LINGO2: variants seen among roughly 807,000 people sequenced by gnomAD.
LINGO2 encodes leucine rich repeat and Ig domain containing 2.
In LINGO2, 14 loss-of-function variants were observed where a neutral mutation model predicts 30.6. The ratio of observed to expected loss-of-function variants is 0.46; its 90% CI spans 0.30 to 0.72. The LOEUF (loss-of-function observed/expected upper bound fraction) is 0.72. Ranked by LOEUF, LINGO2 falls within the 30% of genes least tolerant of loss-of-function variation. The pLI, the probability that LINGO2 is intolerant of heterozygous loss-of-function variation, is 0.07. For synonymous variants in LINGO2, 317 were observed against 288.5 expected (o/e 1.10, Z -1.00); for missense variants, 729 against 751.7 (o/e 0.97, Z 0.35).
chr9:28,293,340 C>T (rs1823806678), intron 4 of LINGO2, among the ~76,000 whole-genome samples: 1 of 152,058 alleles, frequency 6.6e-6, no homozygotes, highest in South Asian at 2.1e-4. Context: ...TCAAGTGATC[C>T]TCTCACCTTG....
Position 28,539,267 on chromosome 9 carries a change from A to C in LINGO2, c.-364-63242T>G, listed in dbSNP as rs79920210. 5.4e-3 allele frequency among the ~76,000 whole-genome samples: 821 copies of C among 152,240 alleles called. 2 individuals carry two copies. The highest frequency in any genetic ancestry group is 8.5e-3 in the Non-Finnish European group (580 of 67,994). ...ATATATGTAAGTTACAGAATGGTAG[A>C]TATTTGTGGTATTAATCAACATATC... On this transcript the variant is annotated intron_variant, in intron 1 of 5. Coordinates refer to ENST00000379992, the Ensembl canonical transcript of LINGO2.
the LINGO2 span, among the ~76,000 whole-genome samples, chr9:28,926,641 G>A: frequency 6.6e-6 from 1 of 152,116 alleles, no homozygotes; most frequent in African/African-American, 2.4e-5. Context: ...ATATGGGCTT[G>A]CTTTTTTTAA....
chr9:28,969,956 G>T, the LINGO2 span, among the ~76,000 whole-genome samples: 98,793 of 152,032 alleles, frequency 0.65, 32,762 homozygotes, highest in Non-Finnish European at 0.72. Context: ...CTAGAAATCC[G>T]GAGCACAGAA....
At chr9:28,216,357 T>C (rs1820766761) in intron 4 of LINGO2, among the ~76,000 whole-genome samples, 1 of 151,950 alleles carries the variant, frequency 6.6e-6, no homozygotes, top group Non-Finnish European at 1.5e-5. Context: ...GTTCTAAGCA[T>C]ATTATTTCAA....
the LINGO2 span, among the ~76,000 whole-genome samples, chr9:28,749,642 A>G: frequency 1.3e-5 from 2 of 152,070 alleles, no homozygotes; most frequent in Non-Finnish European, 2.9e-5. Flanking sequence ...ATTTTTTAAA[A>G]TAAAGAGAGC....
At chr9:28,199,344 C>CTTCTTCTCTT (rs74180792) in intron 4 of LINGO2, among the ~76,000 whole-genome samples, 2 of 117,660 alleles carry the variant, frequency 1.7e-5, no homozygotes, top group Non-Finnish European at 3.7e-5. Flanking sequence ...TCTTCTTCTT[C>CTTCTTCTCTT]TTTTTTTTTT....
chr9:28,930,796 T>TGG, the LINGO2 span, among the ~76,000 whole-genome samples: 1 of 152,162 alleles, frequency 6.6e-6, no homozygotes, highest in East Asian at 1.9e-4. The surrounding 1 kb of genome is among the most constrained non-coding windows in gnomAD (Gnocchi z 4.2). Context: ...CAGTCCGGAT[T>TGG]TAAGACTGAC....
the LINGO2 span, among the ~76,000 whole-genome samples, chr9:28,788,427 A>G: frequency 6.6e-6 from 1 of 152,204 alleles, no homozygotes; most frequent in Non-Finnish European, 1.5e-5. Flanking sequence ...TCAATAGGTT[A>G]TTTGTGTTTT....
the LINGO2 span, among the ~76,000 whole-genome samples, chr9:29,202,715 C>T: frequency 6.6e-6 from 1 of 151,990 alleles, no homozygotes; most frequent in African/African-American, 2.4e-5. Context: ...AGCTTTACTT[C>T]AACATAATCA....
intron 1 of LINGO2, among the ~76,000 whole-genome samples, chr9:28,504,590 A>AT (rs762507214): frequency 1.3e-5 from 2 of 151,538 alleles, no homozygotes; most frequent in African/African-American, 2.4e-5. Context: ...TAACTGCTAG[A>AT]TTTTTTTTCA....
intron 3 of LINGO2, among the ~76,000 whole-genome samples, chr9:28,350,645 C>A (rs1175805498): frequency 4.0e-5 from 6 of 151,406 alleles, no homozygotes; most frequent in Non-Finnish European, 7.4e-5. Flanking sequence ...CTGCACCAAG[C>A]GGACCTAATA....
chr9:27,994,051 C>T lies in LINGO2; in HGVS notation c.-36+18304G>A, dbSNP rs145782329. On this transcript the variant is annotated intron_variant, in intron 5 of 5. Transcript: ENST00000379992. ...AATTAATCAACATACTCCTGAATGA[C>T]CAATGAGTCAATAAAGAAATTAAGA... is the stretch of plus-strand genomic sequence containing the variant. Among the ~76,000 whole-genome samples the T allele has an allele frequency of 1.8e-3, 274 of 151,954 alleles. 7 individuals are homozygous for T. In the East Asian group the frequency reaches 0.036, roughly 20 times the overall value.
chr9:28,887,497 G>T, the LINGO2 span, among the ~76,000 whole-genome samples: 1 of 151,842 alleles, frequency 6.6e-6, no homozygotes, highest in African/African-American at 2.4e-5. Context: ...TGGATGATTT[G>T]CTTTTATTAA....
the LINGO2 span, among the ~76,000 whole-genome samples, chr9:28,841,304 A>G: frequency 6.6e-6 from 1 of 151,710 alleles, no homozygotes; most frequent in Non-Finnish European, 1.5e-5. Flanking sequence ...AAATTATTTG[A>G]AAAGCGGATG....
chr9:28,485,984 G>T (rs7033461), intron 1 of LINGO2, among the ~76,000 whole-genome samples: 3,247 of 152,162 alleles, frequency 0.021, 99 homozygotes, highest in East Asian at 0.099. Context: ...TCTACTGATT[G>T]GTATGGCAGA....
At chr9:29,159,135 A>G in the LINGO2 span, among the ~76,000 whole-genome samples, 1 of 152,004 alleles carries the variant, frequency 6.6e-6, no homozygotes, top group Non-Finnish European at 1.5e-5. Context: ...CTACTGATTC[A>G]TACTGAAGAT....
rs139395145 is a variant in LINGO2, at chr9:27,962,551, C to G, written c.-35-11845G>C. 2.8e-4 allele frequency among the ~76,000 whole-genome samples: 42 copies of G among 152,270 alleles called. No individual in the cohort carries two copies. In the East Asian group the frequency reaches 6.8e-3, roughly 25 times the overall value. ...CTTTACATCTGGAACTGCTCCCCCCCTTCTACGACTGTCCTTCAGCTAGGC... is the reference window on the plus strand; with the variant it reads ...CTTTACATCTGGAACTGCTCCCCCCGTTCTACGACTGTCCTTCAGCTAGGC... On this transcript the variant is annotated intron_variant, in intron 5 of 5. Coordinates refer to ENST00000379992, the Ensembl canonical transcript of LINGO2.
the LINGO2 span, among the ~76,000 whole-genome samples, chr9:28,996,942 T>C: frequency 6.6e-5 from 10 of 152,172 alleles, no homozygotes; most frequent in African/African-American, 2.2e-4. Flanking sequence ...TGTATGTGTG[T>C]GTGTTCTTTT....
At chr9:28,972,076 C>T in the LINGO2 span, among the ~76,000 whole-genome samples, 60 of 152,330 alleles carry the variant, frequency 3.9e-4, no homozygotes, top group African/African-American at 1.4e-3. Flanking sequence ...CTGCAAGAAC[C>T]ACAGCATTAC....
Sources: allele counts gnomAD v4.1 joint callset (sites outside exome capture counted in the v4.1 genomes callset), GRCh38; gene constraint gnomAD v4.1.1; non-coding constraint Gnocchi (gnomAD v3.1); transcripts MANE v1.5; gene names NCBI Gene and HGNC (gene_info 2026-07-23, HGNC 2026-07-21).